Variants in COX7B2 observed in about 807,000 individuals in gnomAD.
COX7B2 encodes cytochrome c oxidase subunit 7B2, mitochondrial.
For missense variants in COX7B2, 109 were observed against 95.9 expected, an observed-to-expected ratio of 1.14 and a Z score of -0.57; for synonymous variants, 37 against 32.1, an observed-to-expected ratio of 1.15 and a Z score of -0.51.
intron 2 of COX7B2, among the ~76,000 whole-genome samples, chr4:46,787,307 C>T (rs1256227504): frequency 6.6e-6 from 1 of 151,896 alleles, no homozygotes; most frequent in Non-Finnish European, 1.5e-5. Flanking sequence ...GTTAGCCAGG[C>T]GTGGTGGTGC....
intron 1 of COX7B2, among the ~76,000 whole-genome samples, chr4:46,883,608 C>A (rs1016684886): frequency 6.6e-6 from 1 of 151,878 alleles, no homozygotes; most frequent in Non-Finnish European, 1.5e-5. Context: ...CATGGTGGCA[C>A]GTGCCTGTTG....
chr4:46,894,174 A>G (rs912907165), intron 1 of COX7B2, among the ~76,000 whole-genome samples: 3 of 152,204 alleles, frequency 2.0e-5, no homozygotes, highest in African/African-American at 7.2e-5. Flanking sequence ...TTAAAAATTT[A>G]TATGGAACCA....
chr4:46,748,642 G>C (rs989212642), intron 2 of COX7B2, among the ~76,000 whole-genome samples: 5 of 152,134 alleles, frequency 3.3e-5, no homozygotes, highest in Non-Finnish European at 5.9e-5. Flanking sequence ...GAACATTTTA[G>C]ATCACTTTTC....
intron 1 of COX7B2, among the ~76,000 whole-genome samples, chr4:46,880,457 A>C (rs1718642354): frequency 1.8e-5 from 2 of 111,288 alleles, no homozygotes; most frequent in Admixed American, 2.6e-4. Context: ...TTTATTACTT[A>C]CTCAATTTCA....
intron 2 of COX7B2, among the ~76,000 whole-genome samples, chr4:46,805,926 T>C (rs1317839835): frequency 6.6e-6 from 1 of 152,174 alleles, no homozygotes; most frequent in African/African-American, 2.4e-5. Context: ...TTAGAAATTA[T>C]CCTTAAAATC....
intron 1 of COX7B2, among the ~76,000 whole-genome samples, chr4:46,860,397 T>C (rs962743392): frequency 2.6e-5 from 4 of 152,108 alleles, no homozygotes; most frequent in Admixed American, 2.0e-4. Context: ...GGATCAACTG[T>C]GGTCAGCAAG....
chr4:46,762,745 T>C (rs541090365), intron 2 of COX7B2, among the ~76,000 whole-genome samples: 1 of 147,938 alleles, frequency 6.8e-6, no homozygotes, highest in Non-Finnish European at 1.5e-5. Context: ...TATGAGCCAT[T>C]TCTGTTTAGA....
chr4:46,845,717 T>C (rs1313083695), intron 1 of COX7B2, among the ~76,000 whole-genome samples: 3 of 151,928 alleles, frequency 2.0e-5, no homozygotes, highest in Non-Finnish European at 2.9e-5. Flanking sequence ...TGGAGGGGTA[T>C]GCTGGGAGAG....
At chr4:46,750,195 T>TACACACACACACACACACACAC (rs58139781) in intron 2 of COX7B2, among the ~76,000 whole-genome samples, 5 of 113,924 alleles carry the variant, frequency 4.4e-5, no homozygotes, top group Non-Finnish European at 7.0e-5. Context: ...ATCCCATCTC[T>TACACACACACACACACACACAC]ACACACACAC....
chr4:46,827,540 C>T lies in COX7B2; in HGVS notation c.-50+17420G>A, dbSNP rs539808654. On this transcript the variant is annotated intron_variant, in intron 2 of 2. Coordinates refer to ENST00000355591, the MANE Select transcript of COX7B2 (RefSeq NM_130902.3). ...CCTACAAAAATAAAGTAATTATGTC[C>T]GTAGAATTGCTTAGCAAAACAAACA... is the stretch of plus-strand genomic sequence containing the variant. Among the ~76,000 whole-genome samples the T allele has an allele frequency of 2.6e-5, 4 of 152,080 alleles. No homozygotes were observed. In the South Asian group the frequency reaches 6.2e-4, roughly 24 times the overall value.
At chr4:46,779,895 A>T (rs1717351799) in intron 2 of COX7B2, among the ~76,000 whole-genome samples, 1 of 152,162 alleles carries the variant, frequency 6.6e-6, no homozygotes, top group Non-Finnish European at 1.5e-5. Flanking sequence ...TGTGAAATAC[A>T]TTATTCTAAT....
chr4:46,748,613 ACTCT>A (rs1473902637), intron 2 of COX7B2, among the ~76,000 whole-genome samples: 2 of 152,022 alleles, frequency 1.3e-5, no homozygotes, highest in East Asian at 3.9e-4. Context: ...AGGTCAATGG[ACTCT>A]CTATCCCGCA....
At chr4:46,816,394 C>A (rs566177893) in intron 2 of COX7B2, among the ~76,000 whole-genome samples, 2 of 152,062 alleles carry the variant, frequency 1.3e-5, no homozygotes, top group Non-Finnish European at 2.9e-5. Context: ...CACTAAAATG[C>A]GACCACATTT....
chr4:46,789,877 A>G (rs1441025541), intron 2 of COX7B2, among the ~76,000 whole-genome samples: 1 of 152,174 alleles, frequency 6.6e-6, no homozygotes, highest in Non-Finnish European at 1.5e-5. Context: ...GGTTTAGCAA[A>G]TATTTCCAAT....
chr4:46,767,170 A>G (rs754168407), intron 2 of COX7B2, among the ~76,000 whole-genome samples: 42 of 152,342 alleles, frequency 2.8e-4, no homozygotes, highest in Non-Finnish European at 5.4e-4. Flanking sequence ...ATGCAAAAAG[A>G]TATTCCACGC....
At chr4:46,822,045 G>A (rs1290331740) in intron 2 of COX7B2, among the ~76,000 whole-genome samples, 1 of 152,158 alleles carries the variant, frequency 6.6e-6, no homozygotes, top group Non-Finnish European at 1.5e-5. Context: ...CTGAGTAGCT[G>A]GGACTATAGG....
At chr4:46,753,821 A>C (rs1359666384) in intron 2 of COX7B2, among the ~76,000 whole-genome samples, 1 of 152,166 alleles carries the variant, frequency 6.6e-6, no homozygotes, top group East Asian at 1.9e-4. Context: ...CCATCTGACA[A>C]AGGGCTAATA....
chr4:46,748,149 G>C (rs1162612509), intron 2 of COX7B2, among the ~76,000 whole-genome samples: 1 of 152,164 alleles, frequency 6.6e-6, no homozygotes, highest in Non-Finnish European at 1.5e-5. Flanking sequence ...TAGTAGCCAT[G>C]CTTCATAAGC....
chr4:46,812,201 C>G (rs1719318221), intron 2 of COX7B2, among the ~76,000 whole-genome samples: 2 of 151,982 alleles, frequency 1.3e-5, no homozygotes, highest in African/African-American at 4.8e-5. Context: ...TACCGTAGTT[C>G]CCAGAACTTG....
Sources: allele counts gnomAD v4.1 joint callset (sites outside exome capture counted in the v4.1 genomes callset), GRCh38; gene constraint gnomAD v4.1.1; transcripts MANE v1.5; gene names NCBI Gene and HGNC (gene_info 2026-07-23, HGNC 2026-07-21).